GAD1: variants seen among roughly 807,000 people sequenced by gnomAD.
GAD1 encodes 67 kDa glutamic acid decarboxylase.
In GAD1, 35 loss-of-function variants were observed where a neutral mutation model predicts 75.2. The ratio of observed to expected loss-of-function variants is 0.47; its 90% CI spans 0.36 to 0.62. The LOEUF (loss-of-function observed/expected upper bound fraction) is 0.62, where lower values mean the gene tolerates loss of function less well. Among genes scored for constraint, GAD1 ranks in the 20% least tolerant of loss-of-function variants. The pLI is 0.00. For synonymous variants in GAD1, 257 were observed against 271.9 expected, an observed-to-expected ratio of 0.95 and a Z score of 0.54; for missense variants, 490 against 758.5, an observed-to-expected ratio of 0.65 and a Z score of 4.16.
chr2:170,848,983 C>T (rs990902275), intron 11 of GAD1: 1 of 463,004 alleles, frequency 2.2e-6, no homozygotes, highest in African/African-American at 2.0e-5. Flanking sequence ...TGGCTTTCCA[C>T]AACACATTGG....
chr2:170,823,860 G>A (rs1701957389), intron 3 of GAD1, among the ~76,000 whole-genome samples: 1 of 152,186 alleles, frequency 6.6e-6, no homozygotes. Context: ...CTGGCCTGCT[G>A]AGGGTGGGGG....
chr2:170,833,664 T>C (rs907708202), intron 5 of GAD1, among the ~76,000 whole-genome samples: 23 of 152,220 alleles, frequency 1.5e-4, no homozygotes, highest in African/African-American at 4.3e-4. Context: ...CATGATTTTG[T>C]CATAATATCA....
At chr2:170,814,955 G>A (rs181712426), upstream of GAD1, among the ~76,000 whole-genome samples, 5 of 152,308 alleles carry the variant, frequency 3.3e-5, no homozygotes, top group East Asian at 7.7e-4. Context: ...TTGGGAAAAG[G>A]TTGAGGCGAG....
intron 3 of GAD1, among the ~76,000 whole-genome samples, chr2:170,827,353 G>A (rs563073553): frequency 2.0e-5 from 3 of 152,342 alleles, no homozygotes; most frequent in Admixed American, 6.5e-5. Context: ...CAGCTTTGGG[G>A]TCACCAAGAA....
Position 170,853,145 on chromosome 2 carries a change from G to C in GAD1, c.1263+353G>C. 2.8e-6 allele frequency: 1 copy of C among 353,188 alleles called. No homozygotes were observed. Among genetic ancestry groups the C allele is most frequent in the East Asian group, 6.3e-5 (1 of 15,866 alleles). The allele number at this position is 353,188 out of a possible 1,614,324, so 21.9% of individuals were successfully genotyped here. On this transcript the variant is annotated intron_variant, in intron 13 of 16. Transcript: ENST00000358196. This position sits in a 1 kb window ranked among gnomAD's most constrained non-coding sequence, Gnocchi z 4.1. ...TCAGTGAGGACAAAAGCACTCACTG[G>C]AGCATACTCGGAGTTCTTAGTATAA...
chr2:170,827,062 G>A (rs1702042783), intron 3 of GAD1, among the ~76,000 whole-genome samples: 1 of 152,126 alleles, frequency 6.6e-6, no homozygotes, highest in African/African-American at 2.4e-5. Context: ...GGGCTTTAGT[G>A]ATAAATGTAA....
intron 10 of GAD1, among the ~76,000 whole-genome samples, chr2:170,846,397 A>G (rs1212861686): frequency 2.0e-5 from 3 of 152,194 alleles, no homozygotes; most frequent in Non-Finnish European, 2.9e-5. Flanking sequence ...CTTGTTGGGT[A>G]TTATCTCATT....
At chr2:170,852,826 G>T (rs755272403) in intron 13 of GAD1, 34 bp downstream of exon 13, 1 of 1,583,852 alleles carries the variant, frequency 6.3e-7, no homozygotes. Flanking sequence ...ACTGGGGCCC[G>T]TACGTTCTTT....
At chr2:170,845,671 T>C (rs1702616137) in intron 8 of GAD1, 35 bp from the exon 9 acceptor site, 1 of 1,613,430 alleles carries the variant, frequency 6.2e-7, no homozygotes, top group Non-Finnish European at 8.5e-7. Flanking sequence ...TAGGGGACTT[T>C]CCAACTTCTA....
At chr2:170,832,289 C>T (rs1043274194) in intron 5 of GAD1, among the ~76,000 whole-genome samples, 1 of 152,118 alleles carries the variant, frequency 6.6e-6, no homozygotes, top group African/African-American at 2.4e-5. Context: ...AGAGGATCCA[C>T]CCTTGTCTTT....
intron 5 of GAD1, among the ~76,000 whole-genome samples, chr2:170,831,639 T>C (rs1702229560): frequency 1.4e-5 from 2 of 143,758 alleles, no homozygotes; most frequent in African/African-American, 5.1e-5. Flanking sequence ...TGTGTGTATA[T>C]ACCTATTTTT....
chr2:170,849,412 T>A, intron 12 of GAD1, 62 bp downstream of exon 12: 2 of 1,490,436 alleles, frequency 1.3e-6, no homozygotes, highest in Non-Finnish European at 1.9e-6. Flanking sequence ...CATGCTCTGA[T>A]GTCAGCCTGC....
chr2:170,822,393 C>T (rs1478692354), intron 3 of GAD1, among the ~76,000 whole-genome samples: 1 of 152,140 alleles, frequency 6.6e-6, no homozygotes, highest in Non-Finnish European at 1.5e-5. Context: ...CCCAGTGGAG[C>T]GAACGCCGGG....
At chr2:170,836,707 G>T in intron 5 of GAD1, 86 bp from the exon 6 acceptor site, 1 of 881,300 alleles carries the variant, frequency 1.1e-6, no homozygotes. Flanking sequence ...AGCCCCATCA[G>T]TGTGACCCAG....
intron 1 of GAD1, 183 bp downstream of exon 1, chr2:170,817,231 C>CCCCCG (rs1553572143): frequency 8.9e-6 from 1 of 111,898 alleles, no homozygotes; most frequent in Non-Finnish European, 2.2e-5. Flanking sequence ...AGGGACCCCC[C>CCCCCG]CCCCCCCGCC....
chr2:170,835,993 G>A (rs149143010), intron 5 of GAD1, among the ~76,000 whole-genome samples: 1 of 152,270 alleles, frequency 6.6e-6, no homozygotes, highest in Non-Finnish European at 1.5e-5. Context: ...CTTCTGATAT[G>A]AGAAGTCATA....
chr2:170,859,109 GCATCTTGTCTCCTTGTC>G (rs375802711), intron 16 of GAD1, among the ~76,000 whole-genome samples: 6 of 152,168 alleles, frequency 3.9e-5, no homozygotes, highest in African/African-American at 1.4e-4. Context: ...TCTAAAGGAT[GCATCTTGTCTCCTTGTC>G]CTTGGTTGAT....
chr2:170,829,365 T>C, intron 3 of GAD1, 110 bp from the exon 4 acceptor site: 1 of 1,276,164 alleles, frequency 7.8e-7, no homozygotes, highest in Non-Finnish European at 1.1e-6. Flanking sequence ...ACTCACTTCT[T>C]TTCTCAGGAG....
chr2:170,830,893 C>G, intron 4 of GAD1, 57 bp from the exon 5 acceptor site: 1 of 1,611,744 alleles, frequency 6.2e-7, no homozygotes. Flanking sequence ...GGTCTCTGGG[C>G]TGAAGAAATC....
Sources: gnomAD v4.1 joint callset for allele counts (sites outside exome capture counted in the v4.1 genomes callset) on GRCh38, gnomAD v4.1.1 for gene constraint, Gnocchi (gnomAD v3.1) non-coding constraint, MANE v1.5 for transcripts, NCBI Gene and HGNC (gene_info 2026-07-23, HGNC 2026-07-21) for gene names.